PKIA: variants seen among roughly 807,000 people sequenced by gnomAD.
PKIA encodes the protein cAMP-dependent protein kinase inhibitor alpha.
PKIA carries 4 observed loss-of-function variants against 7.6 expected under a neutral mutation model. The observed-to-expected ratio is 0.52, with a 90% CI of 0.26 to 1.20. The LOEUF (loss-of-function observed/expected upper bound fraction) is 1.20. PKIA is among the 50% of genes most tolerant of loss of function. PKIA has a pLI of 0.13. For synonymous variants in PKIA, 21 were observed against 30.7 expected (o/e 0.68, Z 1.04); for missense variants, 73 against 86.2 (o/e 0.85, Z 0.61).
intron 1 of PKIA, among the ~76,000 whole-genome samples, chr8:78,531,837 T>G (rs1260390942): frequency 6.6e-6 from 1 of 152,194 alleles, no homozygotes; most frequent in East Asian, 1.9e-4. Context: ...GCTAGCTGGT[T>G]GACATGGTGT....
intron 3 of PKIA, among the ~76,000 whole-genome samples, chr8:78,599,760 T>A (rs553078563): frequency 6.6e-6 from 1 of 151,996 alleles, no homozygotes; most frequent in Non-Finnish European, 1.5e-5. Context: ...GCATAAGATT[T>A]ATATTTTATT....
At chr8:78,535,892 G>A (rs1447429675) in intron 1 of PKIA, 1 of 152,060 alleles carries the variant, frequency 6.6e-6, no homozygotes, top group African/African-American at 2.4e-5. Flanking sequence ...TGCGGGTTTT[G>A]ATACAGGGGT....
chr8:78,604,397 G>A lies in PKIA; in HGVS notation c.*2576G>A, dbSNP rs1315976320. The A allele has an allele frequency of 6.6e-6, 1 of 151,890 alleles. No individual in the cohort carries two copies. Among genetic ancestry groups the A allele is most frequent in the Non-Finnish European group, 1.5e-5 (1 of 67,914 alleles). 9.4% of individuals were successfully genotyped at this position (151,890 alleles called of 1,614,324 possible). ...ATTTGAACCCATGTTTGTCACCAAG[G>A]AGCTTTCCAGGGCACATGTCATAAA... is the stretch of plus-strand genomic sequence containing the variant. On this transcript the variant is annotated 3_prime_UTR_variant, in exon 4 of 4. Transcript: ENST00000396418.
At chr8:78,558,814 A>G (rs1337415055) in intron 1 of PKIA, among the ~76,000 whole-genome samples, 1 of 152,206 alleles carries the variant, frequency 6.6e-6, no homozygotes, top group African/African-American at 2.4e-5. Context: ...TACTTAAACC[A>G]GTGCAGATTA....
intron 1 of PKIA, among the ~76,000 whole-genome samples, chr8:78,523,909 CATATATATTTATAT>C (rs1809465487): frequency 7.7e-6 from 1 of 130,456 alleles, no homozygotes; most frequent in Admixed American, 8.2e-5. Context: ...TATATTTATA[CATATATATTTATAT>C]ATATATAAAT....
rs140956239 is a variant in PKIA at position 78,570,211 on chromosome 8, C to T, written c.-156-2600C>T. Among the ~76,000 whole-genome samples, 77 of 152,078 alleles carry T rather than the reference C, an allele frequency of 5.1e-4. No homozygotes were observed. In the East Asian group the frequency reaches 0.012, roughly 24 times the overall value. On this transcript the variant is annotated intron_variant, in intron 1 of 3. Coordinates refer to ENST00000396418, the MANE Select transcript of PKIA (RefSeq NM_006823.4). Reference sequence around the variant, plus strand: ...AAGCAAAACTCAAATAGGGTAGACACAAAGATATTCATGCCGAGGCACATC... The same window carrying T: ...AAGCAAAACTCAAATAGGGTAGACATAAAGATATTCATGCCGAGGCACATC...
chr8:78,582,173 G>GGT (rs1554583227), intron 2 of PKIA, among the ~76,000 whole-genome samples: 11 of 129,716 alleles, frequency 8.5e-5, no homozygotes, highest in Middle Eastern at 7.7e-3. Flanking sequence ...AATATTTCGT[G>GGT]TTTTTTTTTT....
intron 1 of PKIA, 121 bp from the exon 2 acceptor site, chr8:78,572,690 G>A (rs1358525388): frequency 2.0e-5 from 3 of 151,970 alleles, no homozygotes; most frequent in South Asian, 2.1e-4. Flanking sequence ...TCATAACCAC[G>A]AAAGTTCCTG....
chr8:78,577,749 T>C (rs1345464483), intron 2 of PKIA, among the ~76,000 whole-genome samples: 1 of 152,048 alleles, frequency 6.6e-6, no homozygotes, highest in African/African-American at 2.4e-5. Flanking sequence ...AGACCTTATC[T>C]GGTCTTTAGT....
chr8:78,590,259 TC>T (rs1329435053), intron 2 of PKIA, among the ~76,000 whole-genome samples: 1 of 150,686 alleles, frequency 6.6e-6, no homozygotes, highest in Non-Finnish European at 1.5e-5. Context: ...ACCAATATTT[TC>T]CAGATGACCA....
At chr8:78,528,800 A>T (rs1244232200) in intron 1 of PKIA, among the ~76,000 whole-genome samples, 1 of 145,636 alleles carries the variant, frequency 6.9e-6, no homozygotes, top group Non-Finnish European at 1.5e-5. Flanking sequence ...CCTCGTCTAT[A>T]AAAAAAAAAA....
intron 1 of PKIA, among the ~76,000 whole-genome samples, chr8:78,519,458 T>G (rs1353727360): frequency 6.6e-6 from 1 of 152,108 alleles, no homozygotes; most frequent in Non-Finnish European, 1.5e-5. Context: ...ATAAAAACTT[T>G]TTTAAAAGTT....
intron 1 of PKIA, among the ~76,000 whole-genome samples, chr8:78,537,915 T>G (rs1806574271): frequency 1.3e-5 from 2 of 152,058 alleles, no homozygotes; most frequent in Non-Finnish European, 2.9e-5. Flanking sequence ...CTGTTGCCGC[T>G]GCCTAGAAGG....
At chr8:78,524,208 A>G (rs1033938667) in intron 1 of PKIA, among the ~76,000 whole-genome samples, 4 of 139,068 alleles carry the variant, frequency 2.9e-5, no homozygotes, top group African/African-American at 1.1e-4. Context: ...ATATTTATAT[A>G]TATATAAACA....
In PKIA at chr8:78,602,364, A is replaced by G. The variant is rs1240958593; in HGVS notation, c.*543A>G. ...GCACTGCCCCCTTCTCTGATTGCTT[A>G]TGAAAAACAAAATGATGTACATTAC... On this transcript the variant is annotated 3_prime_UTR_variant, in exon 4 of 4. Transcript: ENST00000396418. 6.6e-6 allele frequency: 1 copy of G among 152,482 alleles called. No individual in the cohort carries two copies. The allele number at this position is 152,482 out of a possible 1,614,324, so 9.4% of individuals were successfully genotyped here. A position where few individuals can be genotyped will look rare whatever the true frequency, so the allele number is the denominator to read the frequency against.
intron 1 of PKIA, chr8:78,558,363 T>C (rs547274658): frequency 3.9e-5 from 6 of 152,850 alleles, no homozygotes; most frequent in Admixed American, 1.3e-4. Context: ...TAGTCTGTTT[T>C]CATGCTGCTG....
chr8:78,564,780 A>G (rs1197783833), intron 1 of PKIA, among the ~76,000 whole-genome samples: 2 of 151,954 alleles, frequency 1.3e-5, no homozygotes, highest in Non-Finnish European at 2.9e-5. Context: ...CAATTAGTAG[A>G]AAATTACAGT....
At chr8:78,582,784 C>T (rs981783454) in intron 2 of PKIA, among the ~76,000 whole-genome samples, 3 of 152,196 alleles carry the variant, frequency 2.0e-5, no homozygotes, top group Non-Finnish European at 4.4e-5. Context: ...CTTTCACACT[C>T]GCAAACTCAA....
intron 2 of PKIA, among the ~76,000 whole-genome samples, chr8:78,581,636 C>A (rs753931260): frequency 6.6e-6 from 1 of 152,046 alleles, no homozygotes; most frequent in Non-Finnish European, 1.5e-5. Flanking sequence ...ACAGCTAAAT[C>A]CTACAAAATA....
Sources: allele counts gnomAD v4.1 joint callset (sites outside exome capture counted in the v4.1 genomes callset), GRCh38; gene constraint gnomAD v4.1.1; transcripts MANE v1.5; gene names NCBI Gene and HGNC (gene_info 2026-07-23, HGNC 2026-07-21).